Variants in IBTK observed in about 807,000 individuals in gnomAD.
IBTK encodes the protein BTK-binding protein.
IBTK carries 83 observed loss-of-function variants against 154.9 expected under a neutral mutation model. The ratio of observed to expected loss-of-function variants is 0.54; its 90% CI spans 0.45 to 0.64. IBTK has a LOEUF of 0.64. Ranked by LOEUF, IBTK falls within the 30% of genes least tolerant of loss-of-function variation. IBTK has a pLI of 0.00. For synonymous variants in IBTK, 515 were observed against 536.1 expected (o/e 0.96, Z 0.54); for missense variants, 1,332 against 1,584.6 (o/e 0.84, Z 2.71).
chr6:82,233,896 G>A (rs1770616217), intron 3 of IBTK, among the ~76,000 whole-genome samples: 1 of 151,860 alleles, frequency 6.6e-6, no homozygotes, highest in African/African-American at 2.4e-5. Context: ...ACCATGCCCG[G>A]CTAACTTTTG....
intron 22 of IBTK, among the ~76,000 whole-genome samples, chr6:82,195,453 T>C (rs9294248): frequency 0.24 from 36,226 of 151,650 alleles, 4,387 homozygotes; most frequent in African/African-American, 0.28. Flanking sequence ...TGGTGCGTGC[T>C]TATAATCCCA....
chr6:82,212,240 C>A (rs1769680025), intron 13 of IBTK, among the ~76,000 whole-genome samples: 1 of 152,092 alleles, frequency 6.6e-6, no homozygotes, highest in African/African-American at 2.4e-5. Context: ...CCTGCCTCGG[C>A]CCCCCAAAGT....
intron 13 of IBTK, among the ~76,000 whole-genome samples, chr6:82,212,200 T>C (rs1338764575): frequency 1.3e-5 from 2 of 152,116 alleles, no homozygotes; most frequent in Non-Finnish European, 1.5e-5. Flanking sequence ...TTTCACCATG[T>C]TAATCAGGCT....
Position 82,218,005 on chromosome 6 carries a change from TA to T in IBTK, c.1380del (p.Phe460LeufsTer35). The part of the protein sequence containing the change: ...ILFVTQDGEG[F>X]RGRWFEEKRK... The stretch of plus-strand genomic sequence containing the variant: ...CTTTTCTCTTCAAACCATCTCCCTC[TA>T]AATCCTTCTCCATCTTGCGTAACAA... On this transcript the variant is annotated frameshift_variant, in exon 10 of 29. Transcript: ENST00000306270. LOFTEE classifies it high-confidence loss of function. 6.2e-7 allele frequency: 1 copy of T among 1,611,240 alleles called. No homozygotes were observed. The highest frequency in any genetic ancestry group is 8.5e-7 in the Non-Finnish European group (1 of 1,178,880).
chr6:82,173,006 T>A (rs144271802), intron 27 of IBTK: 24,890 of 150,092 alleles, frequency 0.17, 1,924 homozygotes, highest in Non-Finnish European at 0.19. Context: ...TTCTCTTTTT[T>A]TTTTTTTTTT....
At chr6:82,218,221 A>G (rs1769943962) in intron 9 of IBTK, 84 bp from the exon 10 acceptor site, 1 of 952,622 alleles carries the variant, frequency 1.0e-6, no homozygotes, top group Non-Finnish European at 1.4e-6. Flanking sequence ...TCAAGAGACA[A>G]TGCTGTTAAA....
intron 26 of IBTK, among the ~76,000 whole-genome samples, chr6:82,177,478 T>C (rs1768163018): frequency 6.6e-6 from 1 of 152,184 alleles, no homozygotes; most frequent in Admixed American, 6.5e-5. Context: ...AATGGCACAA[T>C]CTCGGCTCAC....
intron 19 of IBTK, 51 bp downstream of exon 19, chr6:82,201,371 G>C (rs569255947): frequency 1.5e-6 from 2 of 1,305,244 alleles, no homozygotes. Context: ...CTAATATACT[G>C]CTTAAGCTGG....
rs113032214 is a variant in IBTK, at chr6:82,191,644, G to A, written c.3431+143C>T. 1.0e-3 allele frequency: 741 copies of A among 708,860 alleles called. 11 individuals are homozygous for A. In the African/African-American group the frequency reaches 0.011, roughly 10 times the overall value. The allele number at this position is 708,860 out of a possible 1,614,324, so 43.9% of individuals were successfully genotyped here. On this transcript the variant is annotated intron_variant, in intron 24 of 28. Transcript: ENST00000306270. ...GCACATATTTAAGAAATAATATTAT[G>A]GAGGCTAAATTGCCCAGAAAAGGAT...
In IBTK at chr6:82,223,450, T is replaced by A; in HGVS notation, c.1114A>T (p.Met372Leu). Residue 372 changes from methionine to leucine, a missense_variant, in exon 8 of 29, where the codon ATG becomes TTG. Physicochemically the swap from Met to Leu is conservative, Grantham distance 15. This residue lies in a region of IBTK where 1,134 missense variants were observed against 1,274.7 expected (regional missense o/e 0.89). Transcript: ENST00000306270. ...YLLADYQCKK[M>L]ASKQLNLKKV... ...CAGAAATACACATACTTAGAAGCCATCTTCTTGCACTGATAGTCTGCAAGT... is the reference window on the plus strand; with the variant it reads ...CAGAAATACACATACTTAGAAGCCAACTTCTTGCACTGATAGTCTGCAAGT... 6.2e-7 allele frequency: 1 copy of A among 1,610,418 alleles called. No individual in the cohort carries two copies. Among genetic ancestry groups the A allele is most frequent in the Non-Finnish European group, 8.5e-7 (1 of 1,178,234 alleles).
intron 26 of IBTK, among the ~76,000 whole-genome samples, chr6:82,175,538 C>G: frequency 6.6e-6 from 1 of 152,208 alleles, no homozygotes; most frequent in East Asian, 1.9e-4. Flanking sequence ...TAAAATGAAC[C>G]AAATTTGTCA....
Position 82,191,594 on chromosome 6 carries a change from G to A in IBTK, c.3431+193C>T, listed in dbSNP as rs574362232. On this transcript the variant is annotated intron_variant, in intron 24 of 28. Transcript: ENST00000306270. ...GTAATACTGTATTCTACAAGAGCTG[G>A]ATTATCAACTCAACTCTATCTTTAG... 9.8e-5 allele frequency: 65 copies of A among 661,448 alleles called. 1 individual carries two copies. The African/African-American group carries it at 1.1e-3, about 11-fold the overall frequency. The allele number at this position is 661,448 out of a possible 1,614,324, so 41.0% of individuals were successfully genotyped here.
At chr6:82,220,546 T>C (rs1190513080) in intron 9 of IBTK, 44 bp downstream of exon 9, 5 of 1,554,118 alleles carry the variant, frequency 3.2e-6, no homozygotes, top group Non-Finnish European at 4.3e-6. Flanking sequence ...GCTACAGCTA[T>C]CAACTGAGAG....
chr6:82,175,836 C>A (rs954474399), intron 26 of IBTK, among the ~76,000 whole-genome samples: 3 of 151,840 alleles, frequency 2.0e-5, no homozygotes, highest in African/African-American at 2.4e-5. Context: ...TCGAGACCAC[C>A]CTGACCAACA....
chr6:82,174,158 C>T (rs1424470522), intron 26 of IBTK, among the ~76,000 whole-genome samples: 1 of 152,046 alleles, frequency 6.6e-6, no homozygotes, highest in African/African-American at 2.4e-5. Context: ...GAGGACTAGA[C>T]AGGTTTAACA....
rs1769702471 is a variant in IBTK at position 82,212,807 on chromosome 6, A to G, written c.2205-14T>C. On this transcript the variant is annotated splice_polypyrimidine_tract_variant and intron_variant, in intron 12 of 28. Coordinates refer to ENST00000306270, the MANE Select transcript of IBTK (RefSeq NM_015525.4). Reference sequence around the variant, plus strand: ...ACTCCATCTAACCTATCAAGGATAGATAAAAATTAACAATTGATATTCCCC... The same window carrying G: ...ACTCCATCTAACCTATCAAGGATAGGTAAAAATTAACAATTGATATTCCCC... The G allele has an allele frequency of 1.4e-6, 2 of 1,413,438 alleles. No individual in the cohort carries two copies. Among genetic ancestry groups the G allele is most frequent in the Admixed American group, 1.7e-5 (1 of 58,140 alleles). The allele number at this position is 1,413,438 out of a possible 1,614,324, so 87.6% of individuals were successfully genotyped here.
At chr6:82,222,102 G>A (rs1053375609) in intron 8 of IBTK, among the ~76,000 whole-genome samples, 9 of 151,816 alleles carry the variant, frequency 5.9e-5, no homozygotes, top group African/African-American at 2.2e-4. Context: ...CCTGGGAGGC[G>A]GGGGTTGCAG....
chr6:82,225,146 CA>C (rs71676661), intron 6 of IBTK, among the ~76,000 whole-genome samples: 120 of 142,034 alleles, frequency 8.4e-4, no homozygotes, highest in South Asian at 1.3e-3. Context: ...AAAAAATACT[CA>C]AAAAAAAAAA....
intron 19 of IBTK, among the ~76,000 whole-genome samples, 172 bp downstream of exon 19, chr6:82,201,250 C>T (rs394960): frequency 0.98 from 149,707 of 152,224 alleles, 73,622 homozygotes; most frequent in East Asian, 1. Context: ...ATCTTGAATT[C>T]TGATTATCAT....
Sources: gnomAD v4.1 joint callset for allele counts (sites outside exome capture counted in the v4.1 genomes callset) on GRCh38, gnomAD v4.1.1 for gene constraint, gnomAD v4.1.1 regional missense constraint, MANE v1.5 for transcripts, NCBI Gene and HGNC (gene_info 2026-07-23, HGNC 2026-07-21) for gene names.